TRPM3: variants seen among roughly 807,000 people sequenced by gnomAD.
TRPM3 encodes the protein transient receptor potential cation channel subfamily M member 3, also known as long transient receptor potential channel 3.
TRPM3 carries 77 observed loss-of-function variants against 181.2 expected under a neutral mutation model. That is an observed-to-expected ratio of 0.42 (90% CI 0.35 to 0.51). The LOEUF (loss-of-function observed/expected upper bound fraction) is 0.51, where lower values mean the gene tolerates loss of function less well. Ranked by LOEUF, TRPM3 falls within the 20% of genes least tolerant of loss-of-function variation. The pLI is 0.01. For missense variants in TRPM3, 1,759 were observed against 2,196.7 expected (o/e 0.80, Z 3.98); for synonymous variants, 745 against 796.4 (o/e 0.94, Z 1.09).
chr9:71,351,944 T>C (rs563172081), intron 1 of TRPM3, among the ~76,000 whole-genome samples: 137 of 151,282 alleles, frequency 9.1e-4, no homozygotes, highest in Non-Finnish European at 1.8e-3. Context: ...GGCGTGATCT[T>C]GGCTCACTGC....
Position 71,186,625 on chromosome 9 carries a change from G to T in TRPM3, c.183+260028C>A, listed in dbSNP as rs960561790. 6.6e-5 allele frequency among the ~76,000 whole-genome samples: 10 copies of T among 152,160 alleles called. No homozygotes were observed. The East Asian group carries it at 1.5e-3, about 24-fold the overall frequency. On this transcript the variant is annotated intron_variant, in intron 1 of 24. Transcript: ENST00000357533. ...GCAATATGTGGTCAGCCCAGACCAA[G>T]TTAGGGATGAAGTTTGTTAGGATTT...
At chr9:70,835,472 C>T (rs1435557703) in intron 5 of TRPM3, among the ~76,000 whole-genome samples, 4 of 152,050 alleles carry the variant, frequency 2.6e-5, no homozygotes, top group Non-Finnish European at 5.9e-5. Context: ...CCCCTTGCCA[C>T]CCTGAGTCCT....
At chr9:71,138,477 G>C (rs2074903002) in intron 1 of TRPM3, among the ~76,000 whole-genome samples, 1 of 152,024 alleles carries the variant, frequency 6.6e-6, no homozygotes, top group African/African-American at 2.4e-5. Flanking sequence ...TCCTCCAGGA[G>C]ATTTTTCAGT....
At chr9:71,348,306 A>C (rs901370424) in intron 1 of TRPM3, among the ~76,000 whole-genome samples, 8 of 152,012 alleles carry the variant, frequency 5.3e-5, no homozygotes, top group African/African-American at 1.9e-4. Context: ...CTAGTCTTTA[A>C]ATTTTTTGTG....
chr9:71,099,919 A>G (rs1021060632), intron 1 of TRPM3, among the ~76,000 whole-genome samples: 2 of 152,086 alleles, frequency 1.3e-5, no homozygotes, highest in African/African-American at 4.8e-5. Flanking sequence ...AACCCCAATG[A>G]CTATGATATC....
In TRPM3 at chr9:70,886,417, T is replaced by A. The variant is rs115151161; in HGVS notation, c.178-21906A>T. Among the ~76,000 whole-genome samples the A allele has an allele frequency of 5.0e-3, 756 of 152,296 alleles. 8 individuals are homozygous for A. The highest frequency in any genetic ancestry group is 0.017 in the African/African-American group (723 of 41,542). On this transcript the variant is annotated intron_variant, in intron 1 of 25. Coordinates refer to ENST00000677713, the MANE Select transcript of TRPM3 (RefSeq NM_001366145.2). ...GCAGTAATTTAAAGTAATTATCTTG[T>A]CTCCATTTCCCTCAGTGCCTTGTGC...
At chr9:71,324,178 T>C (rs2089474331) in intron 1 of TRPM3, among the ~76,000 whole-genome samples, 1 of 152,166 alleles carries the variant, frequency 6.6e-6, no homozygotes. Context: ...ATGGAGTATA[T>C]GACTTTATTA....
intron 1 of TRPM3, among the ~76,000 whole-genome samples, chr9:71,141,434 T>A (rs2075094316): frequency 6.6e-6 from 1 of 152,226 alleles, no homozygotes; most frequent in South Asian, 2.1e-4. Flanking sequence ...AAGCCATGGA[T>A]GTAACTCGCC....
chr9:71,341,395 G>A (rs1265242328), intron 1 of TRPM3, among the ~76,000 whole-genome samples: 3 of 152,094 alleles, frequency 2.0e-5, no homozygotes, highest in Non-Finnish European at 4.4e-5. Flanking sequence ...CTAGCAACAT[G>A]ACATGTACAT....
At chr9:71,313,575 C>T (rs1453405356) in intron 1 of TRPM3, among the ~76,000 whole-genome samples, 1 of 152,074 alleles carries the variant, frequency 6.6e-6, no homozygotes, top group Non-Finnish European at 1.5e-5. Context: ...ATTTTCTTGA[C>T]CTATCACAGT....
intron 6 of TRPM3, among the ~76,000 whole-genome samples, chr9:70,798,736 C>T (rs1250594205): frequency 6.6e-5 from 10 of 152,186 alleles, no homozygotes; most frequent in East Asian, 3.9e-4. Context: ...ACAGGAATAA[C>T]GTGATAATCA....
intron 4 of TRPM3, among the ~76,000 whole-genome samples, chr9:70,844,263 A>G (rs1410082846): frequency 6.6e-6 from 1 of 152,232 alleles, no homozygotes; most frequent in African/African-American, 2.4e-5. Flanking sequence ...AAGTAACTCA[A>G]TACTGAAATA....
rs536240496 is a variant in TRPM3 at position 70,970,066 on chromosome 9, T to C, written c.178-105555A>G. On this transcript the variant is annotated intron_variant, in intron 1 of 25. Transcript: ENST00000677713. ...AGAACTTTATCATCAGACAGAGTTG[T>C]GTCTGAATCCCAATGCAACAAATTA... 2.0e-5 allele frequency among the ~76,000 whole-genome samples: 3 copies of C among 152,230 alleles called. No homozygotes were observed. In the East Asian group the frequency reaches 5.8e-4, roughly 29 times the overall value.
chr9:71,004,189 A>G (rs949249221), intron 1 of TRPM3, among the ~76,000 whole-genome samples: 6 of 152,206 alleles, frequency 3.9e-5, no homozygotes, highest in Admixed American at 2.6e-4. Flanking sequence ...GACTGGCCAG[A>G]GCCACAGTGC....
chr9:70,871,773 T>C (rs1037802399), intron 1 of TRPM3, among the ~76,000 whole-genome samples: 2 of 152,038 alleles, frequency 1.3e-5, no homozygotes, highest in African/African-American at 2.4e-5. Flanking sequence ...TGAATGTAAT[T>C]TGAATACTAA....
At chr9:71,015,219 A>G (rs936309515) in intron 1 of TRPM3, among the ~76,000 whole-genome samples, 1 of 152,186 alleles carries the variant, frequency 6.6e-6, no homozygotes, top group African/African-American at 2.4e-5. Flanking sequence ...CTCAAATTGC[A>G]TGCAAATTGG....
chr9:71,388,304 A>G (rs1280107398), intron 1 of TRPM3, among the ~76,000 whole-genome samples: 1 of 152,222 alleles, frequency 6.6e-6, no homozygotes, highest in East Asian at 1.9e-4. Context: ...AAAGTAAAAT[A>G]TCTGGTTATT....
intron 1 of TRPM3, among the ~76,000 whole-genome samples, chr9:70,953,505 C>CA (rs1564834074): frequency 6.6e-6 from 1 of 152,070 alleles, no homozygotes; most frequent in Admixed American, 6.6e-5. Context: ...AGCACACACT[C>CA]TTTTTGGAAA....
At chr9:71,123,499 G>T (rs965607403), upstream of TRPM3, among the ~76,000 whole-genome samples, 1 of 152,188 alleles carries the variant, frequency 6.6e-6, no homozygotes, top group African/African-American at 2.4e-5. Flanking sequence ...ACAGTGCCTG[G>T]CATATACTAA....
Sources: allele counts gnomAD v4.1 joint callset (sites outside exome capture counted in the v4.1 genomes callset), GRCh38; gene constraint gnomAD v4.1.1; transcripts MANE v1.5; gene names NCBI Gene and HGNC (gene_info 2026-07-23, HGNC 2026-07-21).